The following TMTC1 variants were observed in gnomAD, a reference collection of about 807,000 sequenced individuals.
TMTC1 encodes the protein protein O-mannosyl-transferase TMTC1.
A neutral mutation model predicts 104.8 loss-of-function variants in TMTC1; 73 were observed. That is an observed-to-expected ratio of 0.70 (90% CI 0.58 to 0.85). The LOEUF (loss-of-function observed/expected upper bound fraction) is 0.85, where lower values mean the gene tolerates loss of function less well. Among genes scored for constraint, TMTC1 ranks in the 40% least tolerant of loss-of-function variants. The probability of loss-of-function intolerance (pLI) is 0.00; values close to 1 mark genes in which losing one functional copy is unlikely to be tolerated. For synonymous variants in TMTC1, 434 were observed against 428.7 expected, an observed-to-expected ratio of 1.01 and a Z score of -0.15; for missense variants, 1,035 against 1,096.1, an observed-to-expected ratio of 0.94 and a Z score of 0.79.
At chr12:29,732,736 T>C (rs1164983581) in intron 5 of TMTC1, among the ~76,000 whole-genome samples, 3 of 152,156 alleles carry the variant, frequency 2.0e-5, no homozygotes, top group African/African-American at 7.2e-5. Context: ...TGTGGCATCA[T>C]TAAAGGGCTC....
intron 7 of TMTC1, among the ~76,000 whole-genome samples, chr12:29,585,936 C>A (rs1946121485): frequency 6.6e-6 from 1 of 151,382 alleles, no homozygotes; most frequent in Non-Finnish European, 1.5e-5. Context: ...TTTTTTGGTT[C>A]CATATGAACT....
At chr12:29,524,661 G>GC (rs898132291) in intron 11 of TMTC1, among the ~76,000 whole-genome samples, 3 of 152,138 alleles carry the variant, frequency 2.0e-5, no homozygotes, top group African/African-American at 7.2e-5. Flanking sequence ...AAGAGTGAAG[G>GC]CCCCTGGCAG....
intron 5 of TMTC1, among the ~76,000 whole-genome samples, chr12:29,715,987 GTATTATTATTATTATTATTATTAT>G (rs140955615): frequency 2.3e-5 from 3 of 130,170 alleles, no homozygotes; most frequent in African/African-American, 8.9e-5. Flanking sequence ...GCCAAACTCA[GTATTATTATTATTATTATTATTAT>G]TATTATTATT....
At chr12:29,725,439 T>G (rs1166712752) in intron 5 of TMTC1, among the ~76,000 whole-genome samples, 1 of 152,086 alleles carries the variant, frequency 6.6e-6, no homozygotes, top group Non-Finnish European at 1.5e-5. Flanking sequence ...GTTCAAGTGA[T>G]TCTCCTGTGT....
chr12:29,633,176 A>T lies in TMTC1; in HGVS notation c.1099T>A (p.Leu367Met), dbSNP rs752115639. ...TIFLAVVMAL[L>M]SLHCLAAFKR... The stretch of plus-strand genomic sequence containing the variant: ...AAGGCTGCTAAGCAGTGCAGGCTCA[A>T]TAAGGCCATCACAACCGCCAGAAAG... Residue 367 changes from leucine (L) to methionine (M), a missense_variant, in exon 6 of 18, where the codon TTG becomes ATG. Coordinates refer to ENST00000539277, the MANE Select transcript of TMTC1 (RefSeq NM_001193451.2). 25 of 1,613,962 alleles carry T rather than the reference A, an allele frequency of 1.5e-5. No homozygotes were observed. The highest frequency in any genetic ancestry group is 1.5e-5 in the Non-Finnish European group (18 of 1,179,960).
chr12:29,582,275 C>G (rs1179283608), intron 8 of TMTC1, among the ~76,000 whole-genome samples: 2 of 152,184 alleles, frequency 1.3e-5, no homozygotes, highest in Non-Finnish European at 2.9e-5. Flanking sequence ...ATTCCCCCTT[C>G]TTACAGTGCT....
rs1282515016 is a variant in TMTC1, at chr12:29,760,805, T to G, written c.481-2028A>C. On this transcript the variant is annotated intron_variant, in intron 2 of 17. Transcript: ENST00000539277. Reference sequence around the variant, plus strand: ...TTGCATATTAATTTATTCTAATGTATATTATACCATGATTCATAATTATAT... The same window carrying G: ...TTGCATATTAATTTATTCTAATGTAGATTATACCATGATTCATAATTATAT... Among the ~76,000 whole-genome samples, 3 of 150,400 alleles carry G rather than the reference T, an allele frequency of 2.0e-5. 1 individual carries two copies. The highest frequency in any genetic ancestry group is 7.3e-5 in the African/African-American group (3 of 41,240).
chr12:29,582,695 A>G (rs1946015425), intron 8 of TMTC1, among the ~76,000 whole-genome samples: 1 of 152,164 alleles, frequency 6.6e-6, no homozygotes, highest in Admixed American at 6.5e-5. Context: ...GTTTGCCCCC[A>G]AAGAATAAGT....
chr12:29,573,687 A>C (rs1305723481), intron 8 of TMTC1, among the ~76,000 whole-genome samples: 2 of 152,218 alleles, frequency 1.3e-5, no homozygotes, highest in Non-Finnish European at 2.9e-5. Flanking sequence ...AAGAGGCAGC[A>C]GGAGGTCCTA....
chr12:29,637,050 G>A (rs1938589504), intron 5 of TMTC1, among the ~76,000 whole-genome samples: 1 of 150,530 alleles, frequency 6.6e-6, no homozygotes, highest in Non-Finnish European at 1.5e-5. Flanking sequence ...AATAGAGCAA[G>A]ATCCTGTTTC....
At chr12:29,557,695 C>T (rs1208442543) in intron 9 of TMTC1, among the ~76,000 whole-genome samples, 1 of 151,294 alleles carries the variant, frequency 6.6e-6, no homozygotes, top group Non-Finnish European at 1.5e-5. Flanking sequence ...GGTGATCCAC[C>T]TGGCTCAGCC....
At chr12:29,674,370 TC>T in intron 5 of TMTC1, among the ~76,000 whole-genome samples, 1 of 151,766 alleles carries the variant, frequency 6.6e-6, no homozygotes, top group East Asian at 1.9e-4. Flanking sequence ...TAACCAGAAA[TC>T]AGCTGAAAAT....
intron 6 of TMTC1, among the ~76,000 whole-genome samples, chr12:29,621,296 T>C (rs567980731): frequency 1.3e-5 from 2 of 152,362 alleles, no homozygotes; most frequent in East Asian, 3.9e-4. Flanking sequence ...GTGATCCTTG[T>C]GCCATAATAC....
chr12:29,629,103 A>G (rs1409469342), intron 6 of TMTC1, among the ~76,000 whole-genome samples: 1 of 151,926 alleles, frequency 6.6e-6, no homozygotes, highest in Admixed American at 6.6e-5. Context: ...GTGGATCACG[A>G]GGTCAGGAGA....
intron 6 of TMTC1, among the ~76,000 whole-genome samples, chr12:29,628,937 C>A (rs947021950): frequency 6.6e-6 from 1 of 152,116 alleles, no homozygotes; most frequent in Non-Finnish European, 1.5e-5. Flanking sequence ...GCTGGGGTTA[C>A]AGGCATCAGA....
chr12:29,600,555 T>C (rs1946537137), intron 7 of TMTC1, among the ~76,000 whole-genome samples: 1 of 152,168 alleles, frequency 6.6e-6, no homozygotes, highest in African/African-American at 2.4e-5. Flanking sequence ...TTAGTTACAA[T>C]AATGACTGTG....
chr12:29,743,892 A>G (rs1942887617), intron 5 of TMTC1, among the ~76,000 whole-genome samples: 1 of 152,230 alleles, frequency 6.6e-6, no homozygotes, highest in African/African-American at 2.4e-5. Context: ...CGGTAAGAGC[A>G]CTAGCTGTGT....
chr12:29,716,936 A>T (rs1262302655), intron 5 of TMTC1, among the ~76,000 whole-genome samples: 4 of 152,230 alleles, frequency 2.6e-5, no homozygotes, highest in African/African-American at 9.6e-5. Flanking sequence ...AATGGCGTGA[A>T]CCTGGGAGGT....
At chr12:29,766,132 A>G (rs1943458384) in intron 2 of TMTC1, among the ~76,000 whole-genome samples, 1 of 152,258 alleles carries the variant, frequency 6.6e-6, no homozygotes, top group Non-Finnish European at 1.5e-5. Flanking sequence ...CACCTTGCTC[A>G]GTCTAAAATA....
Sources: allele counts gnomAD v4.1 joint callset (sites outside exome capture counted in the v4.1 genomes callset), GRCh38; gene constraint gnomAD v4.1.1; transcripts MANE v1.5; gene names NCBI Gene and HGNC (gene_info 2026-07-23, HGNC 2026-07-21).